Variants in RPH3A observed in about 807,000 individuals in gnomAD.
RPH3A encodes rabphilin 3A, also known as rabphilin-3A.
In RPH3A, 48 loss-of-function variants were observed where a neutral mutation model predicts 102.2. That is an observed-to-expected ratio of 0.47 (90% CI 0.37 to 0.60). RPH3A has a LOEUF of 0.60. RPH3A is among the 20% of genes least tolerant of loss of function. RPH3A has a pLI of 0.00. For synonymous variants in RPH3A, 310 were observed against 324.3 expected (o/e 0.96, Z 0.47); for missense variants, 781 against 910.1 (o/e 0.86, Z 1.83).
At chr12:112,639,862 G>A (rs1236824535) in intron 1 of RPH3A, among the ~76,000 whole-genome samples, 1 of 152,128 alleles carries the variant, frequency 6.6e-6, no homozygotes, top group Admixed American at 6.5e-5. Flanking sequence ...CTACCTGTTG[G>A]TGGGTGCTAA....
chr12:112,712,993 GTCTTCCTCTTCCTCT>G (rs1565857071), intron 1 of RPH3A, among the ~76,000 whole-genome samples: 926 of 58,948 alleles, frequency 0.016, 81 homozygotes, highest in South Asian at 0.046. Context: ...CGTCGTCTTT[GTCTTCCTCTTCCTCT>G]TCCTCTTCCT....
chr12:112,664,429 G>T (rs1051827103), intron 1 of RPH3A, among the ~76,000 whole-genome samples: 1 of 152,206 alleles, frequency 6.6e-6, no homozygotes, highest in Non-Finnish European at 1.5e-5. Flanking sequence ...AGGGAGACCA[G>T]TAAGGAATAT....
intron 1 of RPH3A, among the ~76,000 whole-genome samples, chr12:112,601,927 C>T (rs1410092466): frequency 3.9e-5 from 6 of 152,138 alleles, no homozygotes; most frequent in Non-Finnish European, 5.9e-5. Flanking sequence ...GGTGACAGAG[C>T]GAGACTTTGT....
At chr12:112,591,879 A>G (rs1321474602) in intron 1 of RPH3A, among the ~76,000 whole-genome samples, 1 of 152,118 alleles carries the variant, frequency 6.6e-6, no homozygotes, top group Non-Finnish European at 1.5e-5. Context: ...TCCAGTTAAA[A>G]ACTTCCTGGC....
chr12:112,744,843 G>A (rs1592976007), intron 1 of RPH3A, among the ~76,000 whole-genome samples: 1 of 152,052 alleles, frequency 6.6e-6, no homozygotes, highest in Non-Finnish European at 1.5e-5. Context: ...GTTTCGTTTT[G>A]TTTTAACCTC....
intron 6 of RPH3A, 113 bp downstream of exon 6, chr12:112,865,656 A>G: frequency 6.8e-6 from 8 of 1,171,080 alleles, no homozygotes; most frequent in Non-Finnish European, 9.4e-6. Flanking sequence ...GATCCTGAAG[A>G]TCACTTGCCA....
chr12:112,753,291 C>G (rs573531942), intron 1 of RPH3A, among the ~76,000 whole-genome samples: 3 of 152,192 alleles, frequency 2.0e-5, no homozygotes, highest in Non-Finnish European at 4.4e-5. Context: ...TTTGTACCCA[C>G]GTCAAATCCT....
At chr12:112,896,521 C>G in intron 21 of RPH3A, 129 bp from the exon 22 acceptor site, 1 of 1,054,708 alleles carries the variant, frequency 9.5e-7, no homozygotes, top group Admixed American at 2.2e-5. Context: ...TATAACAACT[C>G]TCTATAGAGT....
intron 2 of RPH3A, among the ~76,000 whole-genome samples, chr12:112,803,003 G>A (rs2041384357): frequency 1.3e-5 from 2 of 152,330 alleles, no homozygotes; most frequent in South Asian, 4.1e-4. Context: ...TGGCCAGAGA[G>A]GCCCCCAGAA....
intron 1 of RPH3A, among the ~76,000 whole-genome samples, chr12:112,700,304 A>C (rs544606250): frequency 1.3e-5 from 2 of 152,126 alleles, no homozygotes; most frequent in African/African-American, 2.4e-5. Context: ...CCTGACCTCA[A>C]GTGATCCACC....
At chr12:112,750,581 G>A (rs578001810) in intron 1 of RPH3A, among the ~76,000 whole-genome samples, 1 of 152,292 alleles carries the variant, frequency 6.6e-6, no homozygotes, top group South Asian at 2.1e-4. Flanking sequence ...TGAGAGTAGA[G>A]AGGCCAATAG....
chr12:112,811,851 C>T (rs567437798), intron 2 of RPH3A, among the ~76,000 whole-genome samples: 2 of 152,118 alleles, frequency 1.3e-5, no homozygotes, highest in Non-Finnish European at 2.9e-5. Flanking sequence ...CCAAAGGACA[C>T]TTATTTGCTA....
intron 1 of RPH3A, among the ~76,000 whole-genome samples, chr12:112,777,169 A>G (rs1176340953): frequency 2.0e-5 from 3 of 152,330 alleles, no homozygotes; most frequent in Non-Finnish European, 4.4e-5. Flanking sequence ...TCTTAGAGTT[A>G]TTGTGAGAAT....
intron 2 of RPH3A, among the ~76,000 whole-genome samples, chr12:112,798,444 G>A (rs2041276681): frequency 1.3e-5 from 2 of 151,978 alleles, no homozygotes; most frequent in Admixed American, 1.3e-4. Flanking sequence ...CCTACACAAT[G>A]ACGAGTGGTG....
chr12:112,828,228 T>TA, intron 2 of RPH3A, 73 bp from the exon 3 acceptor site: 1 of 1,015,052 alleles, frequency 9.9e-7, no homozygotes, highest in Non-Finnish European at 1.6e-6. Context: ...GTGTGTGGCA[T>TA]AAAGCAGGGA....
chr12:112,687,524 C>T lies in RPH3A; in HGVS notation c.-139-104619C>T, dbSNP rs533184075. Among the ~76,000 whole-genome samples the T allele has an allele frequency of 1.5e-3, 229 of 152,258 alleles. 1 individual carries two copies. Among genetic ancestry groups the T allele is most frequent in the Non-Finnish European group, 2.4e-3 (162 of 68,022 alleles). Reference sequence around the variant, plus strand: ...GACATGAGACTCTGATTTAGTTGGTCAGGGAGAAGGAGATTTGGAATGACT... The same window carrying T: ...GACATGAGACTCTGATTTAGTTGGTTAGGGAGAAGGAGATTTGGAATGACT... On this transcript the variant is annotated intron_variant, in intron 1 of 21. Coordinates refer to the RPH3A transcript ENST00000543106.
intron 1 of RPH3A, among the ~76,000 whole-genome samples, chr12:112,781,551 A>G (rs919479646): frequency 3.3e-5 from 5 of 152,016 alleles, no homozygotes; most frequent in Non-Finnish European, 5.9e-5. Context: ...ATTTCTCTCT[A>G]TTCAGTTTCT....
At position 112,826,150 on chromosome 12, in the gene RPH3A, A is replaced by G. The variant is rs142505851; in HGVS notation, c.-18-2151A>G. On this transcript the variant is annotated intron_variant, in intron 2 of 21. Transcript: ENST00000389385. ...TGAGCGGTCAGGGAGGCCCTCTTGG[A>G]CGAGGTGCATTTAGGAATAAACCTA... Among the ~76,000 whole-genome samples, 707 of 152,240 alleles carry G rather than the reference A, an allele frequency of 4.6e-3. 6 individuals carry two copies. Among genetic ancestry groups the G allele is most frequent in the African/African-American group, 0.016 (675 of 41,528 alleles).
In RPH3A at chr12:112,619,250, G is replaced by C. The variant is rs969465255; in HGVS notation, c.-140+43931G>C. ...TGGAATTGCCTTATGGTAATTCTGT[G>C]TGTGTGTGTGTGTGTGTGTGTGTGT... is the stretch of plus-strand genomic sequence containing the variant. On this transcript the variant is annotated intron_variant, in intron 1 of 21. Coordinates refer to the RPH3A transcript ENST00000543106. 3.6e-4 allele frequency among the ~76,000 whole-genome samples: 25 copies of C among 69,480 alleles called. No individual in the cohort carries two copies. In the East Asian group the frequency reaches 6.4e-3, roughly 18 times the overall value. 45.6% of individuals were successfully genotyped at this position (69,480 alleles called of 152,430 possible). A position where few individuals can be genotyped will look rare whatever the true frequency, so the allele number is the denominator to read the frequency against.
Sources: gnomAD v4.1 joint callset for allele counts (sites outside exome capture counted in the v4.1 genomes callset) on GRCh38, gnomAD v4.1.1 for gene constraint, MANE v1.5 for transcripts, NCBI Gene and HGNC (gene_info 2026-07-23, HGNC 2026-07-21) for gene names.